Variants in ZNF438 observed in about 807,000 individuals in gnomAD.
The protein encoded by ZNF438 is zinc finger protein 438.
ZNF438 carries 25 observed loss-of-function variants against 38.0 expected under a neutral mutation model. That is an observed-to-expected ratio of 0.66 (90% confidence interval 0.48 to 0.92). ZNF438 has a LOEUF of 0.92. ZNF438 is among the 40% of genes least tolerant of loss of function. The pLI is 0.00. For missense variants in ZNF438, 1,007 were observed against 999.6 expected (o/e 1.01, Z -0.10); for synonymous variants, 372 against 364.1 (o/e 1.02, Z -0.25).
At chr10:30,981,664 T>A (rs572359439) in intron 1 of ZNF438, among the ~76,000 whole-genome samples, 1 of 152,052 alleles carries the variant, frequency 6.6e-6, no homozygotes, top group East Asian at 1.9e-4. Flanking sequence ...GATCATGAGA[T>A]CAGGAGTTCG....
intron 1 of ZNF438, among the ~76,000 whole-genome samples, chr10:30,956,517 T>C (rs1227912683): frequency 6.6e-6 from 1 of 152,216 alleles, no homozygotes; most frequent in East Asian, 1.9e-4. Context: ...ATTCCTCCTA[T>C]GTGACTGTAG....
intron 1 of ZNF438, among the ~76,000 whole-genome samples, chr10:30,987,130 C>T (rs2052903093): frequency 6.6e-6 from 1 of 151,960 alleles, no homozygotes. Context: ...TTAAAATTTA[C>T]AAACGTTTAT....
chr10:30,970,079 A>G (rs937121943), intron 1 of ZNF438, among the ~76,000 whole-genome samples: 2 of 150,710 alleles, frequency 1.3e-5, no homozygotes, highest in African/African-American at 4.9e-5. Context: ...CTTTACTAGC[A>G]TTCAGCCAGA....
intron 1 of ZNF438, among the ~76,000 whole-genome samples, chr10:30,942,555 C>T (rs2046927535): frequency 6.6e-6 from 1 of 152,194 alleles, no homozygotes; most frequent in Admixed American, 6.5e-5. Flanking sequence ...GTGAAACCAT[C>T]ACCAACATTC....
intron 3 of ZNF438, among the ~76,000 whole-genome samples, chr10:30,901,460 C>T (rs1057367616): frequency 2.0e-5 from 3 of 151,510 alleles, no homozygotes; most frequent in African/African-American, 7.3e-5. Context: ...GGGTTGTTAG[C>T]TAGCCCTTTC....
At chr10:30,872,532 C>T (rs768727467) in intron 4 of ZNF438, among the ~76,000 whole-genome samples, 3 of 147,950 alleles carry the variant, frequency 2.0e-5, no homozygotes, top group Non-Finnish European at 4.5e-5. Flanking sequence ...GGACAGATCA[C>T]GAGGTCAGGA....
chr10:30,963,728 A>C (rs1027305851), intron 1 of ZNF438, among the ~76,000 whole-genome samples: 5 of 152,004 alleles, frequency 3.3e-5, no homozygotes, highest in Non-Finnish European at 7.4e-5. Context: ...AAAAACTACA[A>C]AAATTAGCCG....
At chr10:30,919,837 T>C (rs1373050998) in intron 2 of ZNF438, 1 of 152,136 alleles carries the variant, frequency 6.6e-6, no homozygotes, top group African/African-American at 2.4e-5. Context: ...GGCTGACAAA[T>C]TTTTATTTTA....
chr10:31,021,688 A>C (rs1296770358), intron 1 of ZNF438, among the ~76,000 whole-genome samples: 3 of 152,200 alleles, frequency 2.0e-5, no homozygotes, highest in Non-Finnish European at 4.4e-5. Context: ...ATTCGGGGTC[A>C]AAATGGTTCA....
At chr10:30,893,856 A>G (rs1336276203) in intron 3 of ZNF438, among the ~76,000 whole-genome samples, 1 of 152,244 alleles carries the variant, frequency 6.6e-6, no homozygotes, top group Non-Finnish European at 1.5e-5. Flanking sequence ...TCAAAACTAA[A>G]AAAGTCTTAT....
rs1442473708 is a variant in ZNF438, at chr10:30,999,236, T to C, written c.-192+32597A>G. ...CCTTGTAAAACCATATGCATAAGACTGTTGTTTGAACTATACCAAAGTAGA... is the reference window on the plus strand; with the variant it reads ...CCTTGTAAAACCATATGCATAAGACCGTTGTTTGAACTATACCAAAGTAGA... On this transcript the variant is annotated intron_variant, in intron 1 of 5. Coordinates refer to ENST00000413025, the Ensembl canonical transcript of ZNF438. 3 of 152,230 alleles carry C rather than the reference T, an allele frequency of 2.0e-5. No homozygotes were observed. In the South Asian group the frequency reaches 6.2e-4, roughly 31 times the overall value. 9.4% of individuals were successfully genotyped at this position (152,230 alleles called of 1,614,324 possible). A position where few individuals can be genotyped will look rare whatever the true frequency, so the allele number is the denominator to read the frequency against.
At chr10:30,868,535 T>C (rs1490421337) in intron 4 of ZNF438, among the ~76,000 whole-genome samples, 3 of 106,870 alleles carry the variant, frequency 2.8e-5, no homozygotes, top group Admixed American at 9.4e-5. Context: ...AAGAACAATA[T>C]GTTTACTCTA....
chr10:30,992,311 G>A (rs1245691973), intron 1 of ZNF438, among the ~76,000 whole-genome samples: 2 of 152,174 alleles, frequency 1.3e-5, no homozygotes, highest in Admixed American at 6.5e-5. Context: ...GAAGCTGGAA[G>A]ACTGTGGAGG....
At chr10:30,937,555 G>C (rs543217296) in intron 2 of ZNF438, among the ~76,000 whole-genome samples, 1 of 152,306 alleles carries the variant, frequency 6.6e-6, no homozygotes, top group South Asian at 2.1e-4. Context: ...TACATGAGTA[G>C]ACAATGGTCT....
At chr10:30,861,549 C>CT (rs1645442846) in intron 4 of ZNF438, among the ~76,000 whole-genome samples, 1 of 152,102 alleles carries the variant, frequency 6.6e-6, no homozygotes, top group Non-Finnish European at 1.5e-5. Context: ...ACTGAAGTAA[C>CT]TAATTATTCT....
intron 4 of ZNF438, among the ~76,000 whole-genome samples, chr10:30,869,938 G>A (rs1286985334): frequency 6.6e-6 from 1 of 152,224 alleles, no homozygotes; most frequent in Admixed American, 6.5e-5. Flanking sequence ...CCTTGCTACT[G>A]TGTGTTCAAT....
At chr10:30,848,993 T>G (rs557741547) in exon 5 of ZNF438, 23 of 1,614,154 alleles carry the variant, frequency 1.4e-5, no homozygotes, top group Non-Finnish European at 1.9e-5. Flanking sequence ...GAGTGAATTA[T>G]TTAACAAAAC....
intron 2 of ZNF438, among the ~76,000 whole-genome samples, chr10:30,937,073 A>G (rs1262612567): frequency 1.3e-5 from 2 of 152,104 alleles, no homozygotes; most frequent in South Asian, 2.1e-4. Context: ...CTGTGCCACA[A>G]AAGAAATTCT....
At chr10:30,929,165 G>A (rs1021613250) in intron 2 of ZNF438, among the ~76,000 whole-genome samples, 3 of 152,194 alleles carry the variant, frequency 2.0e-5, no homozygotes, top group Non-Finnish European at 2.9e-5. Flanking sequence ...GGCCAAGGTG[G>A]GCAGATCACA....
Sources: allele counts gnomAD v4.1 joint callset (sites outside exome capture counted in the v4.1 genomes callset), GRCh38; gene constraint gnomAD v4.1.1; transcripts MANE v1.5; gene names NCBI Gene and HGNC (gene_info 2026-07-23, HGNC 2026-07-21).